C8orf34: variants seen among roughly 807,000 people sequenced by gnomAD.
C8orf34 encodes the protein chromosome 8 open reading frame 34.
C8orf34 carries 65 observed loss-of-function variants against 68.3 expected under a neutral mutation model. The ratio of observed to expected loss-of-function variants is 0.95; its 90% CI spans 0.78 to 1.17. C8orf34 has a LOEUF of 1.17. Among genes scored for constraint, C8orf34 ranks in the 50% most tolerant of loss-of-function variants. C8orf34 has a pLI of 0.00. For missense variants in C8orf34, 664 were observed against 655.4 expected (o/e 1.01, Z -0.14); for synonymous variants, 244 against 241.2 (o/e 1.01, Z -0.11).
intron 6 of C8orf34, among the ~76,000 whole-genome samples, chr8:68,526,414 C>A (rs537648071): frequency 4.1e-4 from 63 of 152,132 alleles, no homozygotes; most frequent in Admixed American, 1.7e-3. Flanking sequence ...ATAAGACTGA[C>A]ATGACAAAAA....
In C8orf34 at chr8:68,760,385, C is replaced by A. The variant is rs186410224; in HGVS notation, c.1405-16014C>A. 1.4e-3 allele frequency among the ~76,000 whole-genome samples: 211 copies of A among 152,252 alleles called. 4 individuals carry two copies. Among genetic ancestry groups the A allele is most frequent in the Admixed American group, 0.012 (188 of 15,300 alleles). On this transcript the variant is annotated intron_variant, in intron 10 of 13. Coordinates refer to ENST00000518698, the MANE Select transcript of C8orf34 (RefSeq NM_052958.4). Reference sequence around the variant, plus strand: ...CTTGGAAAATTGAAGTGACTTGCCTCAGAGGCCACACATACCTAATAAATG... The same window carrying A: ...CTTGGAAAATTGAAGTGACTTGCCTAAGAGGCCACACATACCTAATAAATG...
At chr8:68,420,184 T>C (rs1212478736) in intron 1 of C8orf34, among the ~76,000 whole-genome samples, 2 of 150,680 alleles carry the variant, frequency 1.3e-5, no homozygotes, top group Non-Finnish European at 2.9e-5. Flanking sequence ...AAAGTGATGC[T>C]TTTTATAGCT....
chr8:68,636,026 T>C (rs968484276), intron 7 of C8orf34, among the ~76,000 whole-genome samples: 5 of 151,684 alleles, frequency 3.3e-5, no homozygotes, highest in Non-Finnish European at 7.4e-5. Flanking sequence ...GCGGGGGGAG[T>C]AGGAAAACTT....
intron 3 of C8orf34, among the ~76,000 whole-genome samples, chr8:68,457,737 C>T (rs1811615146): frequency 6.6e-6 from 1 of 152,096 alleles, no homozygotes; most frequent in Non-Finnish European, 1.5e-5. Flanking sequence ...CTTGCACCTG[C>T]ACTAGAGTGA....
intron 3 of C8orf34, among the ~76,000 whole-genome samples, chr8:68,465,756 A>T (rs1436151887): frequency 1.3e-5 from 2 of 150,490 alleles, no homozygotes; most frequent in East Asian, 2.0e-4. Context: ...AACAATGAGA[A>T]CACATGGACA....
intron 7 of C8orf34, among the ~76,000 whole-genome samples, chr8:68,618,380 C>A (rs1296825864): frequency 6.6e-6 from 1 of 152,036 alleles, no homozygotes; most frequent in Admixed American, 6.6e-5. Flanking sequence ...AAGATAGGGT[C>A]TTTCTCTGTC....
At chr8:68,685,636 G>A (rs960964773) in intron 8 of C8orf34, among the ~76,000 whole-genome samples, 85 of 152,032 alleles carry the variant, frequency 5.6e-4, no homozygotes, top group African/African-American at 1.9e-3. Flanking sequence ...CAGGTGGATT[G>A]CTTGAGCCCA....
rs560553259 is a variant in C8orf34, at chr8:68,399,679, A to G, written c.328-39820A>G. ...CTTTTCCTTTGGGTAGATTCCCAGT[A>G]GTGGGATTGCTGGATCAAATGGTAA... On this transcript the variant is annotated intron_variant, in intron 1 of 13. Transcript: ENST00000518698. Among the ~76,000 whole-genome samples the G allele has an allele frequency of 2.3e-4, 35 of 152,276 alleles. No individual in the cohort carries two copies. In the South Asian group the frequency reaches 2.9e-3, roughly 13 times the overall value.
intron 7 of C8orf34, among the ~76,000 whole-genome samples, chr8:68,620,063 G>C (rs1452711255): frequency 3.3e-5 from 5 of 152,152 alleles, no homozygotes; most frequent in Non-Finnish European, 5.9e-5. Flanking sequence ...GGGAGCTCTT[G>C]GGCCATTGAT....
intron 1 of C8orf34, among the ~76,000 whole-genome samples, chr8:68,355,723 T>C (rs1043426506): frequency 2.0e-5 from 3 of 152,148 alleles, no homozygotes; most frequent in African/African-American, 7.2e-5. Context: ...GGGCAAAGTG[T>C]ACGTGTCTGT....
At chr8:68,583,729 C>T (rs374690270) in intron 7 of C8orf34, among the ~76,000 whole-genome samples, 22 of 152,056 alleles carry the variant, frequency 1.4e-4, no homozygotes, top group East Asian at 3.9e-4. Flanking sequence ...ATTTAAATGG[C>T]GAAAGAGTAT....
intron 4 of C8orf34, among the ~76,000 whole-genome samples, chr8:68,471,707 A>G (rs140691805): frequency 2.0e-5 from 3 of 152,112 alleles, no homozygotes; most frequent in African/African-American, 4.8e-5. Flanking sequence ...TTCCAGTGGC[A>G]TAATCATTGA....
At chr8:68,362,994 GA>G (rs1364647554) in intron 1 of C8orf34, among the ~76,000 whole-genome samples, 1 of 63,382 alleles carries the variant, frequency 1.6e-5, no homozygotes, top group Non-Finnish European at 3.1e-5. Flanking sequence ...TGAAAACTTT[GA>G]AAAAAATTTA....
intron 7 of C8orf34, among the ~76,000 whole-genome samples, chr8:68,635,325 T>A (rs1446562350): frequency 6.6e-6 from 1 of 152,146 alleles, no homozygotes; most frequent in East Asian, 1.9e-4. Context: ...TTTGAACATA[T>A]CCTCAAAGGT....
intron 5 of C8orf34, among the ~76,000 whole-genome samples, chr8:68,501,091 C>T (rs1012799414): frequency 6.6e-5 from 10 of 152,100 alleles, no homozygotes; most frequent in African/African-American, 2.4e-4. Flanking sequence ...TTTACTGTGC[C>T]CCTTCTGCTC....
At chr8:68,365,158 A>C (rs1448440197) in intron 1 of C8orf34, among the ~76,000 whole-genome samples, 2 of 136,514 alleles carry the variant, frequency 1.5e-5, no homozygotes, top group East Asian at 2.4e-4. Flanking sequence ...GAAATGGATA[A>C]ATTCCTCGAC....
chr8:68,668,745 G>C (rs1171272845), intron 8 of C8orf34, among the ~76,000 whole-genome samples: 1 of 152,146 alleles, frequency 6.6e-6, no homozygotes, highest in African/African-American at 2.4e-5. Flanking sequence ...CTGTTGATGG[G>C]CAGAGAGGAA....
intron 4 of C8orf34, among the ~76,000 whole-genome samples, chr8:68,484,607 A>T (rs958276813): frequency 6.6e-6 from 1 of 152,230 alleles, no homozygotes; most frequent in African/African-American, 2.4e-5. Context: ...ACCTTTTAAA[A>T]GTTAATAAAA....
At chr8:68,521,097 G>A (rs933445685) in intron 5 of C8orf34, among the ~76,000 whole-genome samples, 91 of 152,166 alleles carry the variant, frequency 6.0e-4, no homozygotes, top group African/African-American at 2.2e-3. Context: ...AACAAGAAAC[G>A]GATATACACT....
Sources: gnomAD v4.1 joint callset for allele counts (sites outside exome capture counted in the v4.1 genomes callset) on GRCh38, gnomAD v4.1.1 for gene constraint, MANE v1.5 for transcripts, NCBI Gene and HGNC (gene_info 2026-07-23, HGNC 2026-07-21) for gene names.